ZDHHC2: variants seen among roughly 807,000 people sequenced by gnomAD.
ZDHHC2 encodes the protein palmitoyltransferase ZDHHC2.
ZDHHC2 carries 51 observed loss-of-function variants against 55.6 expected under a neutral mutation model. The ratio of observed to expected loss-of-function variants is 0.92; its 90% CI spans 0.73 to 1.16. The LOEUF (loss-of-function observed/expected upper bound fraction) is 1.16, where lower values mean the gene tolerates loss of function less well. Ranked by LOEUF, ZDHHC2 falls within the 50% of genes most tolerant of loss-of-function variation. The pLI is 0.00. For missense variants in ZDHHC2, 491 were observed against 442.4 expected (o/e 1.11, Z -0.99); for synonymous variants, 199 against 152.9 (o/e 1.30, Z -2.22).
chr8:17,160,932 C>G (rs2517065), intron 1 of ZDHHC2, among the ~76,000 whole-genome samples: 129,826 of 152,276 alleles, frequency 0.85, 57,876 homozygotes, highest in Non-Finnish European at 1. Flanking sequence ...ATGTGGGAAG[C>G]TAGACCACTA....
chr8:17,194,345 AATATATAT>A (rs34831146), intron 3 of ZDHHC2, among the ~76,000 whole-genome samples: 1 of 146,882 alleles, frequency 6.8e-6, no homozygotes, highest in Non-Finnish European at 1.5e-5. Flanking sequence ...TAAATATATA[AATATATAT>A]ATATACAAAA....
chr8:17,165,627 A>G (rs932726453), intron 1 of ZDHHC2, among the ~76,000 whole-genome samples: 1 of 152,186 alleles, frequency 6.6e-6, no homozygotes, highest in Non-Finnish European at 1.5e-5. Context: ...AAAAATATCT[A>G]TTGACAGATG....
chr8:17,199,432 A>G (rs1301811314), intron 6 of ZDHHC2, among the ~76,000 whole-genome samples: 1 of 143,848 alleles, frequency 7.0e-6, no homozygotes, highest in Non-Finnish European at 1.5e-5. Context: ...TTTTTACAAC[A>G]AGTGTTCCCT....
At chr8:17,182,341 A>G (rs953732126) in intron 1 of ZDHHC2, among the ~76,000 whole-genome samples, 3 of 152,188 alleles carry the variant, frequency 2.0e-5, no homozygotes, top group Non-Finnish European at 4.4e-5. Flanking sequence ...TCCCAATCAT[A>G]GTGTTTTAAA....
chr8:17,200,885 G>A (rs140790079), intron 6 of ZDHHC2, among the ~76,000 whole-genome samples: 6 of 152,090 alleles, frequency 3.9e-5, no homozygotes, highest in African/African-American at 7.2e-5. Flanking sequence ...AACCTGTGTC[G>A]TTGTTCACTT....
chr8:17,192,610 A>G (rs1806090400), intron 3 of ZDHHC2, among the ~76,000 whole-genome samples: 1 of 152,152 alleles, frequency 6.6e-6, no homozygotes, highest in Non-Finnish European at 1.5e-5. Context: ...TTTGCTGTGC[A>G]AAAGCCTTTT....
intron 3 of ZDHHC2, among the ~76,000 whole-genome samples, chr8:17,190,195 G>A (rs117136724): frequency 0.023 from 3,478 of 151,974 alleles, 73 homozygotes; most frequent in Non-Finnish European, 0.036. Flanking sequence ...GGCGGAGGTT[G>A]CAGTGAGCCG....
intron 1 of ZDHHC2, among the ~76,000 whole-genome samples, chr8:17,184,348 G>A (rs1168018986): frequency 4.6e-5 from 7 of 152,198 alleles, no homozygotes; most frequent in South Asian, 2.1e-4. Context: ...GAAAAAAAGT[G>A]TGTGCTGTGG....
At chr8:17,169,728 A>G (rs1804763887) in intron 1 of ZDHHC2, among the ~76,000 whole-genome samples, 1 of 152,194 alleles carries the variant, frequency 6.6e-6, no homozygotes, top group Non-Finnish European at 1.5e-5. Flanking sequence ...TTAGTAAGAG[A>G]AAGCATAAAT....
chr8:17,199,546 T>TCTTCGTCTTGTCTTCTGTCTTC (rs1806566009), intron 6 of ZDHHC2, among the ~76,000 whole-genome samples: 1 of 40,642 alleles, frequency 2.5e-5, no homozygotes, highest in African/African-American at 7.4e-5. Context: ...CTTCGTCTTC[T>TCTTCGTCTTGTCTTCTGTCTTC]GTCTTCGTCT....
At chr8:17,159,804 C>A (rs1426173196) in intron 1 of ZDHHC2, among the ~76,000 whole-genome samples, 1 of 152,152 alleles carries the variant, frequency 6.6e-6, no homozygotes, top group African/African-American at 2.4e-5. Flanking sequence ...ACGTTTATCT[C>A]GTTTGTTGAT....
intron 1 of ZDHHC2, among the ~76,000 whole-genome samples, chr8:17,171,068 A>T (rs148658243): frequency 6.0e-4 from 91 of 152,130 alleles, no homozygotes; most frequent in African/African-American, 2.0e-3. Context: ...TCCACCATAG[A>T]CTTACATGGT....
chr8:17,217,112 A>T (rs1340736695), intron 11 of ZDHHC2, 60 bp from the exon 12 acceptor site: 1 of 1,536,998 alleles, frequency 6.5e-7, no homozygotes, highest in South Asian at 1.1e-5. Context: ...GATGAATAAG[A>T]AGTTTCTGCC....
At chr8:17,202,149 T>G (rs1034314060) in intron 6 of ZDHHC2, among the ~76,000 whole-genome samples, 2 of 152,230 alleles carry the variant, frequency 1.3e-5, no homozygotes, top group African/African-American at 4.8e-5. Flanking sequence ...GTTTATTGAG[T>G]GCCGGTTATG....
intron 10 of ZDHHC2, among the ~76,000 whole-genome samples, chr8:17,213,314 C>T (rs556943262): frequency 1.3e-4 from 19 of 151,402 alleles, no homozygotes; most frequent in African/African-American, 4.4e-4. Context: ...AGTGCAGTGA[C>T]GCAGTCTCGG....
intron 3 of ZDHHC2, among the ~76,000 whole-genome samples, chr8:17,193,693 A>C (rs1806155358): frequency 6.6e-6 from 1 of 152,216 alleles, no homozygotes; most frequent in South Asian, 2.1e-4. Context: ...TGCAGTCAAA[A>C]ACCTTTTAGT....
Position 17,220,978 on chromosome 8 carries a change from A to G in ZDHHC2, c.*757A>G, listed in dbSNP as rs554419550. The G allele has an allele frequency of 6.6e-6, 1 of 152,310 alleles. No homozygotes were observed. Among genetic ancestry groups the G allele is most frequent in the South Asian group, 2.1e-4 (1 of 4,824 alleles). 9.4% of individuals were successfully genotyped at this position (152,310 alleles called of 1,614,324 possible). ...CATCTCTTCTTGTTAAATTGGGAGG[A>G]AATTTATGATAGCAATTATGAAGAT... On this transcript the variant is annotated 3_prime_UTR_variant, in exon 13 of 13. Transcript: ENST00000262096.
intron 1 of ZDHHC2, among the ~76,000 whole-genome samples, chr8:17,163,999 A>C (rs1234946610): frequency 1.3e-5 from 2 of 152,204 alleles, no homozygotes; most frequent in Non-Finnish European, 2.9e-5. Context: ...GTTTCAATCA[A>C]ATGGCAGTAG....
At chr8:17,213,479 C>G (rs1202322925) in intron 10 of ZDHHC2, among the ~76,000 whole-genome samples, 2 of 152,128 alleles carry the variant, frequency 1.3e-5, no homozygotes, top group Admixed American at 1.3e-4. Context: ...CTCGAACTTC[C>G]TGACCTCAAG....
Sources: gnomAD v4.1 joint callset for allele counts (sites outside exome capture counted in the v4.1 genomes callset) on GRCh38, gnomAD v4.1.1 for gene constraint, MANE v1.5 for transcripts, NCBI Gene and HGNC (gene_info 2026-07-23, HGNC 2026-07-21) for gene names.